Variants in SCLY observed in about 807,000 individuals in gnomAD.
SCLY encodes selenocysteine lyase, also known as putative selenocysteine lyase.
Under a neutral mutation model 50.1 loss-of-function variants are expected in SCLY, and 38 were observed. The observed-to-expected ratio is 0.76, with a 90% confidence interval of 0.59 to 0.99. The LOEUF is 0.99. Among genes scored for constraint, SCLY ranks in the 50% least tolerant of loss-of-function variants. The pLI is 0.00. For synonymous variants in SCLY, 243 were observed against 249.4 expected, an observed-to-expected ratio of 0.97 and a Z score of 0.24; for missense variants, 600 against 620.0, an observed-to-expected ratio of 0.97 and a Z score of 0.34.
rs992846174 is a variant in SCLY at position 238,098,991 on chromosome 2, A to G, written c.*636A>G. On this transcript the variant is annotated 3_prime_UTR_variant, in exon 12 of 12. Coordinates refer to ENST00000254663, the MANE Select transcript of SCLY (RefSeq NM_016510.7). ...AGCCTCGGCCAGGCCTGCTCTGCTCAGCGCCCACCGCCCACCACCCCTCCT... is the reference window on the plus strand; with the variant it reads ...AGCCTCGGCCAGGCCTGCTCTGCTCGGCGCCCACCGCCCACCACCCCTCCT... 1 of 334,044 alleles carries G rather than the reference A, an allele frequency of 3.0e-6. No homozygotes were observed. Among genetic ancestry groups the G allele is most frequent in the Non-Finnish European group, 5.8e-6 (1 of 172,106 alleles). The allele number at this position is 334,044 out of a possible 1,614,324, so 20.7% of individuals were successfully genotyped here.
rs1215790134 is a variant in SCLY, at chr2:238,068,183, A to C, written c.303+18A>C. ...GCACTGAGGTAAAGCTTCTGAACAC[A>C]CTCACATTCTGTTAACTGTAAGTTA... On this transcript the variant is annotated intron_variant, in intron 3 of 11. Transcript: ENST00000254663. 6.8e-7 allele frequency: 1 copy of C among 1,460,452 alleles called. No individual in the cohort carries two copies. Among genetic ancestry groups the C allele is most frequent in the Non-Finnish European group, 9.5e-7 (1 of 1,054,420 alleles). 90.5% of individuals were successfully genotyped at this position (1,460,452 alleles called of 1,614,324 possible).
intron 1 of SCLY, among the ~76,000 whole-genome samples, chr2:238,062,446 G>T (rs556749932): frequency 6.7e-6 from 1 of 149,772 alleles, no homozygotes; most frequent in East Asian, 2.0e-4. Flanking sequence ...GTCTCACTCT[G>T]TCACCCAGGC....
At chr2:238,089,274 G>A (rs2065334940) in intron 7 of SCLY, among the ~76,000 whole-genome samples, 1 of 152,118 alleles carries the variant, frequency 6.6e-6, no homozygotes, top group Non-Finnish European at 1.5e-5. Flanking sequence ...CACATGCCGT[G>A]TTCATAGATT....
chr2:238,071,759 A>G (rs186773402), intron 4 of SCLY, among the ~76,000 whole-genome samples: 11 of 152,318 alleles, frequency 7.2e-5, no homozygotes, highest in African/African-American at 2.6e-4. Flanking sequence ...CCTAACCCCC[A>G]GTTCTTGGTT....
intron 7 of SCLY, among the ~76,000 whole-genome samples, chr2:238,090,707 C>T (rs2065352701): frequency 6.6e-6 from 1 of 151,748 alleles, no homozygotes; most frequent in African/African-American, 2.4e-5. Context: ...TTCTGTTTTT[C>T]GGTTTGTTAG....
In SCLY at chr2:238,069,446, C is replaced by T. The variant is rs749837555; in HGVS notation, c.453C>T (p.Pro151=). The T allele has an allele frequency of 3.1e-6, 5 of 1,613,168 alleles. No homozygotes were observed. The highest frequency in any genetic ancestry group is 4.2e-6 in the Non-Finnish European group (5 of 1,179,588). The change falls in exon 4 of 12, where the codon CCC becomes CCT. Residue 151 remains proline (P), a synonymous_variant. Coordinates refer to ENST00000254663, the MANE Select transcript of SCLY (RefSeq NM_016510.7). This position sits in a 1 kb window ranked among gnomAD's most constrained non-coding sequence, Gnocchi z 5.0. ...TGGAACACGACTCCATCCGGCTGCC[C>T]CTGGAGCACCTGGTGGAAGAACAAG... ...SSVEHDSIRL[P]LEHLVEEQVA...
intron 8 of SCLY, 69 bp from the exon 9 acceptor site, chr2:238,093,792 T>C (rs1574716124): frequency 1.4e-6 from 2 of 1,428,154 alleles, no homozygotes; most frequent in East Asian, 4.8e-5. Flanking sequence ...ACCTGTACCG[T>C]TGAAAGCTTT....
rs368077817 is a variant in SCLY, at chr2:238,098,378, C to T, written c.*23C>T. 2.0e-4 allele frequency: 316 copies of T among 1,570,418 alleles called. 1 individual carries two copies. Among genetic ancestry groups the T allele is most frequent in the Admixed American group, 8.6e-4 (50 of 58,126 alleles). ...TAGCACTGGGGCCGCCTTCCCCACCCCGCTTCTGGGAAGCCCGTGGCAGGG... is the reference window on the plus strand; with the variant it reads ...TAGCACTGGGGCCGCCTTCCCCACCTCGCTTCTGGGAAGCCCGTGGCAGGG... On this transcript the variant is annotated 3_prime_UTR_variant, in exon 12 of 12. Coordinates refer to ENST00000254663, the MANE Select transcript of SCLY (RefSeq NM_016510.7).
At chr2:238,071,159 T>C (rs2065123530) in intron 4 of SCLY, among the ~76,000 whole-genome samples, 1 of 152,274 alleles carries the variant, frequency 6.6e-6, no homozygotes, top group East Asian at 1.9e-4. Flanking sequence ...TACCTTTTTT[T>C]CCCTATCTTA....
At chr2:238,065,744 G>A (rs970723932) in intron 2 of SCLY, among the ~76,000 whole-genome samples, 2 of 150,378 alleles carry the variant, frequency 1.3e-5, no homozygotes, top group African/African-American at 4.9e-5. Flanking sequence ...GTGCAATCTC[G>A]GGTCAATGCA....
chr2:238,073,983 G>C, intron 4 of SCLY: 6 of 279,050 alleles, frequency 2.2e-5, no homozygotes, highest in South Asian at 2.0e-4. Context: ...AAGGCTTCTA[G>C]TCAACAGTAG....
intron 7 of SCLY, among the ~76,000 whole-genome samples, chr2:238,085,369 G>T (rs1194354892): frequency 3.9e-5 from 6 of 152,048 alleles, no homozygotes; most frequent in African/African-American, 1.2e-4. Flanking sequence ...GACAGAGAAA[G>T]AAATCTATGA....
intron 4 of SCLY, among the ~76,000 whole-genome samples, chr2:238,074,854 C>G (rs1404018188): frequency 6.6e-6 from 1 of 152,186 alleles, no homozygotes; most frequent in Non-Finnish European, 1.5e-5. Flanking sequence ...ATATCATCTA[C>G]AGCTAGAGAT....
Position 238,098,994 on chromosome 2 carries a change from G to A in SCLY, c.*639G>A, listed in dbSNP as rs41264151. The stretch of plus-strand genomic sequence containing the variant: ...CTCGGCCAGGCCTGCTCTGCTCAGC[G>A]CCCACCGCCCACCACCCCTCCTGCT... On this transcript the variant is annotated 3_prime_UTR_variant, in exon 12 of 12. Coordinates refer to ENST00000254663, the MANE Select transcript of SCLY (RefSeq NM_016510.7). 0.16 allele frequency: 54,904 copies of A among 333,494 alleles called. 5,077 individuals carry two copies. The highest frequency in any genetic ancestry group is 0.27 in the South Asian group (10,840 of 40,458). 20.7% of individuals were successfully genotyped at this position (333,494 alleles called of 1,614,324 possible).
intron 2 of SCLY, among the ~76,000 whole-genome samples, chr2:238,065,660 T>TTATTATTATTATTATTA (rs1553564089): frequency 7.0e-6 from 1 of 143,514 alleles, no homozygotes; most frequent in African/African-American, 2.6e-5. Flanking sequence ...AATATTTTAT[T>TTATTATTATTATTATTA]TTATTATTAT....
intron 4 of SCLY, among the ~76,000 whole-genome samples, chr2:238,071,828 C>G (rs138950200): frequency 6.6e-6 from 1 of 152,186 alleles, no homozygotes; most frequent in African/African-American, 2.4e-5. Flanking sequence ...AAGCCTTCCT[C>G]GCACTCCCTC....
intron 10 of SCLY, chr2:238,095,427 C>A (rs1441832200): frequency 6.6e-6 from 1 of 152,186 alleles, no homozygotes; most frequent in East Asian, 1.9e-4. Context: ...TGAGCTGCAT[C>A]TGTAAACAAG....
At position 238,061,082 on chromosome 2, in the gene SCLY, G is replaced by T; in HGVS notation, c.28G>T (p.Asp10Tyr). MEAAVAPGR[D>Y]APAPAASQPS... ...GGAGGCGGCCGTGGCGCCGGGGAGG[G>T]ATGCGCCGGCACCCGCGGCGAGTCA... is the stretch of plus-strand genomic sequence containing the variant. Residue 10 changes from aspartate (D) to tyrosine (Y), a missense_variant, in exon 1 of 12, where the codon GAT becomes TAT. Coordinates refer to ENST00000254663, the MANE Select transcript of SCLY (RefSeq NM_016510.7). 7.2e-7 allele frequency: 1 copy of T among 1,397,324 alleles called. No individual in the cohort carries two copies. Among genetic ancestry groups the T allele is most frequent in the African/African-American group, 1.5e-5 (1 of 65,594 alleles). The allele number at this position is 1,397,324 out of a possible 1,614,324, so 86.6% of individuals were successfully genotyped here.
At chr2:238,062,432 T>C (rs1214761786) in intron 1 of SCLY, among the ~76,000 whole-genome samples, 1 of 149,844 alleles carries the variant, frequency 6.7e-6, no homozygotes, top group Non-Finnish European at 1.5e-5. Flanking sequence ...TTAATTGAGA[T>C]GGAGTCTCAC....
Sources: allele counts gnomAD v4.1 joint callset (sites outside exome capture counted in the v4.1 genomes callset), GRCh38; gene constraint gnomAD v4.1.1; non-coding constraint Gnocchi (gnomAD v3.1); transcripts MANE v1.5; gene names NCBI Gene and HGNC (gene_info 2026-07-23, HGNC 2026-07-21).